Variants in RALYL observed in about 807,000 individuals in gnomAD.
RALYL encodes the protein RNA-binding Raly-like protein.
A neutral mutation model predicts 35.1 loss-of-function variants in RALYL; 29 were observed. The ratio of observed to expected loss-of-function variants is 0.83; its 90% CI spans 0.61 to 1.13. RALYL has a LOEUF of 1.13. RALYL is among the 50% of genes most tolerant of loss of function. The pLI is 0.00. For missense variants in RALYL, 359 were observed against 360.4 expected (o/e 1.00, Z 0.03); for synonymous variants, 120 against 127.6 (o/e 0.94, Z 0.40).
chr8:84,631,418 C>T (rs1018435062), intron 2 of RALYL, among the ~76,000 whole-genome samples: 3 of 151,864 alleles, frequency 2.0e-5, no homozygotes, highest in Non-Finnish European at 2.9e-5. Flanking sequence ...GTCACTTTCT[C>T]GTTTGAAAAA....
At chr8:84,371,978 A>G (rs1390592072) in intron 1 of RALYL, among the ~76,000 whole-genome samples, 1 of 152,088 alleles carries the variant, frequency 6.6e-6, no homozygotes, top group East Asian at 1.9e-4. Flanking sequence ...GATTAGCAGA[A>G]GAGCTGACCA....
At chr8:84,723,845 T>A (rs1241528323) in intron 2 of RALYL, among the ~76,000 whole-genome samples, 3 of 151,732 alleles carry the variant, frequency 2.0e-5, no homozygotes, top group Non-Finnish European at 3.0e-5. Context: ...CACCCAAACC[T>A]CTAATGCTCC....
At chr8:84,495,285 T>G (rs1471446281) in intron 1 of RALYL, among the ~76,000 whole-genome samples, 1 of 152,104 alleles carries the variant, frequency 6.6e-6, no homozygotes, top group Non-Finnish European at 1.5e-5. Context: ...TAGTTTCATG[T>G]CTTTGTTAGA....
intron 2 of RALYL, among the ~76,000 whole-genome samples, chr8:84,568,100 C>T (rs1242925222): frequency 6.6e-6 from 1 of 151,256 alleles, no homozygotes; most frequent in Non-Finnish European, 1.5e-5. Context: ...GCACAATGTG[C>T]AGGTTTGTTA....
chr8:84,846,514 A>G (rs1470892570), intron 4 of RALYL, among the ~76,000 whole-genome samples: 1 of 152,166 alleles, frequency 6.6e-6, no homozygotes, highest in Non-Finnish European at 1.5e-5. Flanking sequence ...TGTTAGGATG[A>G]TGCTGACTTC....
intron 1 of RALYL, among the ~76,000 whole-genome samples, chr8:84,192,966 CAG>C (rs1169913795): frequency 1.3e-5 from 2 of 148,592 alleles, no homozygotes; most frequent in Non-Finnish European, 3.0e-5. Flanking sequence ...AACTTTAAAT[CAG>C]GGAGTGCTTA....
At chr8:84,468,240 G>C (rs1274038770) in intron 1 of RALYL, among the ~76,000 whole-genome samples, 2 of 151,778 alleles carry the variant, frequency 1.3e-5, no homozygotes, top group Admixed American at 1.3e-4. Context: ...TCCTAGTCTC[G>C]ATGGTCTTTA....
chr8:84,845,832 G>T (rs999017365), intron 4 of RALYL, among the ~76,000 whole-genome samples: 1 of 152,148 alleles, frequency 6.6e-6, no homozygotes, highest in African/African-American at 2.4e-5. Flanking sequence ...TATGGTGAAA[G>T]GTTGTGGTCT....
At chr8:84,734,313 T>C (rs2132918516) in intron 2 of RALYL, among the ~76,000 whole-genome samples, 1 of 152,304 alleles carries the variant, frequency 6.6e-6, no homozygotes, top group East Asian at 1.9e-4. Context: ...TTTTAAAAAT[T>C]ATAATTAGCT....
At chr8:84,888,648 T>G (rs966640448) in intron 8 of RALYL, among the ~76,000 whole-genome samples, 1 of 152,216 alleles carries the variant, frequency 6.6e-6, no homozygotes, top group East Asian at 1.9e-4. Flanking sequence ...GCTTGTTTTA[T>G]CAATAGTTTC....
At chr8:84,372,009 G>C (rs1454865750) in intron 1 of RALYL, among the ~76,000 whole-genome samples, 1 of 151,992 alleles carries the variant, frequency 6.6e-6, no homozygotes, top group Non-Finnish European at 1.5e-5. Context: ...TTTCTTACAT[G>C]AATTTTTGTA....
intron 1 of RALYL, among the ~76,000 whole-genome samples, chr8:84,261,127 C>G (rs1554593106): frequency 6.9e-6 from 1 of 144,214 alleles, no homozygotes; most frequent in Non-Finnish European, 1.5e-5. Context: ...TTATAATTTA[C>G]TCTTTGATTA....
At chr8:84,893,147 A>G (rs1314044758) in intron 8 of RALYL, among the ~76,000 whole-genome samples, 1 of 152,220 alleles carries the variant, frequency 6.6e-6, no homozygotes, top group Non-Finnish European at 1.5e-5. Context: ...TCCTGGCAGA[A>G]ATGGGGTTGG....
rs1299047439 is a variant in RALYL, at chr8:84,920,903, A to T, written c.868A>T (p.Ile290Leu). ...TTTTTTATTTTCTCAGTTTCTACAG[A>T]TAAAGTGATCTGAAATAACGCATGA... ...EDGGHELFLQIK is the reference protein window; with the variant it reads ...EDGGHELFLQLK Residue 290 changes from isoleucine (I) to leucine (L), a missense_variant, in exon 9 of 9, where the codon ATA becomes TTA. Coordinates refer to ENST00000521268, the MANE Select transcript of RALYL (RefSeq NM_173848.7). The T allele has an allele frequency of 7.0e-6, 10 of 1,429,756 alleles. No individual in the cohort carries two copies. The highest frequency in any genetic ancestry group is 9.3e-6 in the Non-Finnish European group (10 of 1,073,126). 88.6% of individuals were successfully genotyped at this position (1,429,756 alleles called of 1,614,324 possible).
intron 8 of RALYL, among the ~76,000 whole-genome samples, chr8:84,888,000 G>A (rs978135809): frequency 6.6e-6 from 1 of 152,214 alleles, no homozygotes; most frequent in African/African-American, 2.4e-5. Flanking sequence ...TAAATATCAT[G>A]TAAGAGATTA....
intron 2 of RALYL, among the ~76,000 whole-genome samples, chr8:84,719,732 A>G (rs1199566453): frequency 3.9e-5 from 6 of 152,148 alleles, no homozygotes; most frequent in Non-Finnish European, 8.8e-5. Flanking sequence ...TATATATTGG[A>G]TAATTATCAC....
At chr8:84,625,936 G>A (rs1383218714) in intron 2 of RALYL, among the ~76,000 whole-genome samples, 1 of 152,096 alleles carries the variant, frequency 6.6e-6, no homozygotes, top group Non-Finnish European at 1.5e-5. Flanking sequence ...GTTATGTGGA[G>A]GGAGTGGGAA....
chr8:84,805,027 C>T (rs1824258783), intron 4 of RALYL, among the ~76,000 whole-genome samples: 1 of 152,134 alleles, frequency 6.6e-6, no homozygotes, highest in African/African-American at 2.4e-5. Flanking sequence ...CCTGTATCTT[C>T]CATAAAGGCT....
Position 84,396,673 on chromosome 8 carries a change from T to C in RALYL, c.-23-132626T>C, listed in dbSNP as rs180759765. 4.1e-3 allele frequency among the ~76,000 whole-genome samples: 630 copies of C among 152,262 alleles called. 6 individuals carry two copies. Among genetic ancestry groups the C allele is most frequent in the African/African-American group, 0.014 (594 of 41,574 alleles). ...ACTTAGGTCTTACCTATATTAGTAATGTCCACCTATTTTTAATTAATAGAG... is the reference window on the plus strand; with the variant it reads ...ACTTAGGTCTTACCTATATTAGTAACGTCCACCTATTTTTAATTAATAGAG... On this transcript the variant is annotated intron_variant, in intron 1 of 8. Coordinates refer to ENST00000521268, the MANE Select transcript of RALYL (RefSeq NM_173848.7).
Sources: allele counts gnomAD v4.1 joint callset (sites outside exome capture counted in the v4.1 genomes callset), GRCh38; gene constraint gnomAD v4.1.1; transcripts MANE v1.5; gene names NCBI Gene and HGNC (gene_info 2026-07-23, HGNC 2026-07-21).